SAMD12: variants seen among roughly 807,000 people sequenced by gnomAD.
The protein encoded by SAMD12 is sterile alpha motif domain containing 12.
A neutral mutation model predicts 15.0 loss-of-function variants in SAMD12; 9 were observed. That is an observed-to-expected ratio of 0.60 (90% CI 0.36 to 1.05). The LOEUF is 1.05. Among genes scored for constraint, SAMD12 ranks in the 50% least tolerant of loss-of-function variants. The pLI is 0.01. For synonymous variants in SAMD12, 86 were observed against 90.1 expected (o/e 0.96, Z 0.25); for missense variants, 230 against 234.2 (o/e 0.98, Z 0.12).
Position 118,286,271 on chromosome 8 carries a change from C to A in SAMD12, c.434-88539G>T, listed in dbSNP as rs144700287. On this transcript the variant is annotated intron_variant, in intron 4 of 4. Coordinates refer to the SAMD12 transcript ENST00000409003. The stretch of plus-strand genomic sequence containing the variant: ...ACATGGCACATGTATACATATGTAA[C>A]AAACCTGCATGTTGTGCACATGTAC... Among the ~76,000 whole-genome samples the A allele has an allele frequency of 1.2e-3, 180 of 151,790 alleles. 11 individuals are homozygous for A. The East Asian group carries it at 0.032, about 27-fold the overall frequency.
intron 2 of SAMD12, among the ~76,000 whole-genome samples, chr8:118,475,930 A>G (rs527906310): frequency 1.1e-4 from 16 of 152,350 alleles, no homozygotes; most frequent in South Asian, 2.1e-4. Context: ...GACTAACTGT[A>G]TCTGCAAGAA....
chr8:118,135,531 A>G, the SAMD12 span, among the ~76,000 whole-genome samples: 3 of 150,196 alleles, frequency 2.0e-5, no homozygotes, highest in African/African-American at 7.4e-5. Flanking sequence ...TTTCCATTGG[A>G]GAAATTTTCT....
downstream of SAMD12, among the ~76,000 whole-genome samples, chr8:118,373,208 T>C (rs1292989590): frequency 6.6e-6 from 1 of 152,146 alleles, no homozygotes; most frequent in Non-Finnish European, 1.5e-5. Context: ...GGCATGGGAA[T>C]GAGGAGAACT....
chr8:118,532,956 TTA>T (rs1825731666), intron 2 of SAMD12, among the ~76,000 whole-genome samples: 1 of 152,216 alleles, frequency 6.6e-6, no homozygotes, highest in Non-Finnish European at 1.5e-5. Flanking sequence ...TGCTCTGATT[TTA>T]GTTATTTCTT....
chr8:118,517,366 T>A (rs1015427272), intron 2 of SAMD12, among the ~76,000 whole-genome samples: 11 of 152,204 alleles, frequency 7.2e-5, no homozygotes, highest in African/African-American at 2.7e-4. Context: ...TATACCTCAA[T>A]TTCCTCATTT....
intron 2 of SAMD12, among the ~76,000 whole-genome samples, chr8:118,448,296 T>C (rs1465255531): frequency 1.3e-5 from 2 of 152,208 alleles, no homozygotes; most frequent in Non-Finnish European, 2.9e-5. Context: ...ATTACCGTGC[T>C]CCACTATTTA....
chr8:118,144,767 G>T, the SAMD12 span, among the ~76,000 whole-genome samples: 1 of 152,130 alleles, frequency 6.6e-6, no homozygotes, highest in African/African-American at 2.4e-5. Context: ...CTGAGATTGG[G>T]TTAAAGGTGA....
At chr8:118,540,835 T>C (rs2131148404) in intron 2 of SAMD12, among the ~76,000 whole-genome samples, 1 of 152,278 alleles carries the variant, frequency 6.6e-6, no homozygotes, top group East Asian at 1.9e-4. Flanking sequence ...TGAAATGTCA[T>C]TTTTTTGTCT....
Position 118,564,673 on chromosome 8 carries a change from C to T in SAMD12, c.192+16042G>A, listed in dbSNP as rs143622992. On this transcript the variant is annotated intron_variant, in intron 2 of 3. Transcript: ENST00000314727. The stretch of plus-strand genomic sequence containing the variant: ...TTCCTGCCTATGAAGTGCTTACAGC[C>T]TAAGAGTATGCAGCATTGCAGTGTT... Among the ~76,000 whole-genome samples, 104 of 152,280 alleles carry T rather than the reference C, an allele frequency of 6.8e-4. 1 individual carries two copies. In the South Asian group the frequency reaches 8.7e-3, roughly 13 times the overall value.
At chr8:118,184,121 C>G in the SAMD12 span, among the ~76,000 whole-genome samples, 35 of 152,012 alleles carry the variant, frequency 2.3e-4, no homozygotes, top group African/African-American at 7.3e-4. Context: ...CACATACTCA[C>G]CAGGACTGAT....
intron 1 of SAMD12, among the ~76,000 whole-genome samples, chr8:118,597,211 G>C (rs999432822): frequency 2.0e-5 from 3 of 152,158 alleles, no homozygotes; most frequent in African/African-American, 7.2e-5. Context: ...GCTCCTTAGG[G>C]CTCAGCTTCT....
At chr8:118,164,779 A>G in the SAMD12 span, among the ~76,000 whole-genome samples, 4 of 151,638 alleles carry the variant, frequency 2.6e-5, no homozygotes, top group Non-Finnish European at 4.4e-5. Flanking sequence ...TTGTTCATTC[A>G]TGCATGAATA....
At chr8:118,323,513 G>A (rs530991822) in intron 4 of SAMD12, among the ~76,000 whole-genome samples, 1 of 152,252 alleles carries the variant, frequency 6.6e-6, no homozygotes, top group South Asian at 2.1e-4. Context: ...TGTAATCCCA[G>A]CACTTTGGGA....
chr8:118,280,829 G>A (rs1473356599), intron 4 of SAMD12, among the ~76,000 whole-genome samples: 1 of 152,164 alleles, frequency 6.6e-6, no homozygotes, highest in Non-Finnish European at 1.5e-5. Context: ...AGAAGTAAGA[G>A]TTCTTAATAT....
chr8:118,549,271 G>A (rs896358480), intron 2 of SAMD12, among the ~76,000 whole-genome samples: 1 of 152,212 alleles, frequency 6.6e-6, no homozygotes, highest in African/African-American at 2.4e-5. Context: ...CTAACTGGGA[G>A]GCACCCCCCA....
At chr8:118,222,350 G>C (rs1367524073) in intron 4 of SAMD12, among the ~76,000 whole-genome samples, 1 of 152,096 alleles carries the variant, frequency 6.6e-6, no homozygotes, top group Non-Finnish European at 1.5e-5. Flanking sequence ...CCTTGGATTT[G>C]GGCTTTGTCA....
the SAMD12 span, among the ~76,000 whole-genome samples, chr8:118,140,131 A>G: frequency 6.6e-6 from 1 of 152,250 alleles, no homozygotes; most frequent in Admixed American, 6.5e-5. Flanking sequence ...GACACCTTCA[A>G]AAATGGCACA....
chr8:118,382,471 C>A (rs1201505910), intron 3 of SAMD12, among the ~76,000 whole-genome samples: 2 of 152,186 alleles, frequency 1.3e-5, no homozygotes, highest in Non-Finnish European at 2.9e-5. Context: ...TCTGATTGGT[C>A]AAAGTATGGA....
intron 4 of SAMD12, among the ~76,000 whole-genome samples, chr8:118,325,951 T>G (rs972958122): frequency 6.6e-6 from 1 of 152,200 alleles, no homozygotes; most frequent in Admixed American, 6.5e-5. Context: ...CGGCTTACTT[T>G]GGAAACATTT....
Sources: gnomAD v4.1 joint callset for allele counts (sites outside exome capture counted in the v4.1 genomes callset) on GRCh38, gnomAD v4.1.1 for gene constraint, MANE v1.5 for transcripts, NCBI Gene and HGNC (gene_info 2026-07-23, HGNC 2026-07-21) for gene names.